The following CBLB variants were observed in gnomAD, a reference collection of about 807,000 sequenced individuals.
The protein encoded by CBLB is E3 ubiquitin-protein ligase CBL-B.
In CBLB, 31 loss-of-function variants were observed where a neutral mutation model predicts 104.9. The observed-to-expected ratio is 0.30, with a 90% CI of 0.22 to 0.40. The LOEUF is 0.40. Ranked by LOEUF, CBLB falls within the 10% of genes least tolerant of loss-of-function variation. CBLB has a pLI of 1.00. For missense variants in CBLB, 1,062 were observed against 1,214.6 expected, an observed-to-expected ratio of 0.87 and a Z score of 1.87; for synonymous variants, 440 against 422.6, an observed-to-expected ratio of 1.04 and a Z score of -0.51.
At chr3:105,833,478 CT>C (rs954351264) in intron 3 of CBLB, among the ~76,000 whole-genome samples, 51 of 151,152 alleles carry the variant, frequency 3.4e-4, no homozygotes, top group African/African-American at 1.2e-3. Context: ...GGAACTTTTA[CT>C]TTTTTTTTAC....
At chr3:105,726,479 T>C (rs775882897) in intron 9 of CBLB, among the ~76,000 whole-genome samples, 1 of 152,078 alleles carries the variant, frequency 6.6e-6, no homozygotes, top group South Asian at 2.1e-4. Flanking sequence ...CATTTTTATT[T>C]TGGAAGGAAG....
At chr3:105,668,203 G>T (rs2064683258) in intron 18 of CBLB, among the ~76,000 whole-genome samples, 1 of 152,178 alleles carries the variant, frequency 6.6e-6, no homozygotes, top group Admixed American at 6.5e-5. Context: ...GCCAGTTCAG[G>T]CTTCTGGCAA....
At chr3:105,761,030 T>C (rs957159575) in intron 4 of CBLB, among the ~76,000 whole-genome samples, 29 of 152,154 alleles carry the variant, frequency 1.9e-4, no homozygotes, top group Non-Finnish European at 1.2e-4. Context: ...GTTGTTTTTG[T>C]TTTTCATTTC....
intron 3 of CBLB, among the ~76,000 whole-genome samples, chr3:105,800,460 C>T (rs996379779): frequency 1.3e-5 from 2 of 152,150 alleles, no homozygotes; most frequent in Non-Finnish European, 2.9e-5. Flanking sequence ...TCAATTCAAT[C>T]ACAGCCTTAG....
intron 9 of CBLB, among the ~76,000 whole-genome samples, chr3:105,723,439 A>T (rs1251773626): frequency 2.0e-5 from 3 of 152,136 alleles, no homozygotes; most frequent in Non-Finnish European, 4.4e-5. Flanking sequence ...AAACCAAAGG[A>T]TACAGAAGTT....
In CBLB at chr3:105,687,869, T is replaced by C. The variant is rs571897202; in HGVS notation, c.2055-2403A>G. 2.6e-5 allele frequency among the ~76,000 whole-genome samples: 4 copies of C among 151,604 alleles called. No homozygotes were observed. In the East Asian group the frequency reaches 5.8e-4, roughly 22 times the overall value. On this transcript the variant is annotated intron_variant, in intron 13 of 18. Coordinates refer to ENST00000394030, the MANE Select transcript of CBLB (RefSeq NM_170662.5). ...AAATAACAGAAGAGGATGGTACAAA[T>C]GAGATAAAGAAGTTGTATATAAAAT...
chr3:105,867,443 G>A lies in CBLB; in HGVS notation c.135C>T (p.Thr45=). 1.2e-6 allele frequency: 2 copies of A among 1,614,094 alleles called. No homozygotes were observed. The highest frequency in any genetic ancestry group is 4.5e-5 in the East Asian group (2 of 44,884). ...CCATGAGCTTCCAAGTCTTCTCCAC[G>A]GTCCTGCGATCTGCGGCAGCTTGCT... is the stretch of plus-strand genomic sequence containing the variant. ...PPKQAAADRR[T]VEKTWKLMDK... The change falls in exon 2 of 19, where the codon ACC becomes ACT. Residue 45 remains threonine, a synonymous_variant. Transcript: ENST00000394030.
At chr3:105,676,229 C>T (rs929148523) in intron 17 of CBLB, among the ~76,000 whole-genome samples, 14 of 151,908 alleles carry the variant, frequency 9.2e-5, no homozygotes, top group Non-Finnish European at 1.8e-4. Context: ...ATAAAAATTG[C>T]ATTTTAGCTA....
intron 10 of CBLB, among the ~76,000 whole-genome samples, chr3:105,706,037 G>C (rs544168741): frequency 6.6e-4 from 101 of 152,078 alleles, no homozygotes; most frequent in Admixed American, 1.5e-3. Context: ...CACGACTCAA[G>C]AGGCTAAGGT....
Position 105,704,123 on chromosome 3 carries a change from A to G in CBLB, c.1458T>C (p.Leu486=). 1 of 1,614,096 alleles carries G rather than the reference A, an allele frequency of 6.2e-7. No homozygotes were observed. Among genetic ancestry groups the G allele is most frequent in the Non-Finnish European group, 8.5e-7 (1 of 1,179,976 alleles). Residue 486 remains leucine, a synonymous_variant, in exon 11 of 19, where the codon CTT becomes CTC. Transcript: ENST00000394030. Reference sequence around the variant, plus strand: ...CAGGCTGTGGCTTTCTTCTCTGGGCAAGGGGAGAGGATCCTGGTGATGTGA... The same window carrying G: ...CAGGCTGTGGCTTTCTTCTCTGGGCGAGGGGAGAGGATCCTGGTGATGTGA... The part of the protein sequence containing the change: ...SPVTSPGSSP[L]AQRRKPQPDP...
chr3:105,794,121 A>C (rs2081991933), intron 3 of CBLB, among the ~76,000 whole-genome samples: 1 of 152,218 alleles, frequency 6.6e-6, no homozygotes. Context: ...CACAAAATAC[A>C]AAGATTTATT....
intron 3 of CBLB, among the ~76,000 whole-genome samples, chr3:105,812,090 G>A (rs2084390892): frequency 6.6e-6 from 1 of 151,966 alleles, no homozygotes; most frequent in Non-Finnish European, 1.5e-5. Flanking sequence ...ACCTGTCAAT[G>A]ACTTAAACCT....
Position 105,723,099 on chromosome 3 carries a change from T to C in CBLB, c.1204-2849A>G, listed in dbSNP as rs3772524. On this transcript the variant is annotated intron_variant, in intron 9 of 18. Coordinates refer to ENST00000394030, the MANE Select transcript of CBLB (RefSeq NM_170662.5). ...ACTTACTCTAATATGACTTCATCCA[T>C]CACACTTTATAAATGGACTACTGTC... 7.4e-4 allele frequency among the ~76,000 whole-genome samples: 113 copies of C among 152,284 alleles called. 1 individual carries two copies. The East Asian group carries it at 0.017, about 23-fold the overall frequency.
chr3:105,687,234 C>G (rs2067119383), intron 13 of CBLB, among the ~76,000 whole-genome samples: 1 of 152,114 alleles, frequency 6.6e-6, no homozygotes, highest in African/African-American at 2.4e-5. Flanking sequence ...AAACATTCAA[C>G]AACTATTCAA....
chr3:105,716,566 G>A (rs995925502), intron 10 of CBLB, among the ~76,000 whole-genome samples: 4 of 151,964 alleles, frequency 2.6e-5, no homozygotes, highest in Non-Finnish European at 4.4e-5. Context: ...TAAAAATTTA[G>A]GTTTTATTGA....
intron 12 of CBLB, among the ~76,000 whole-genome samples, chr3:105,698,647 G>A (rs1447600466): frequency 1.4e-5 from 2 of 147,396 alleles, no homozygotes; most frequent in Admixed American, 6.8e-5. Context: ...TTATATTAGG[G>A]GCCTGATAAA....
At chr3:105,772,427 T>A (rs1160748644) in intron 4 of CBLB, among the ~76,000 whole-genome samples, 2 of 152,078 alleles carry the variant, frequency 1.3e-5, no homozygotes, top group African/African-American at 2.4e-5. Flanking sequence ...TCCTACAAGA[T>A]AACATCAAAG....
chr3:105,854,190 C>G (rs1044131550), intron 2 of CBLB, among the ~76,000 whole-genome samples: 1 of 152,162 alleles, frequency 6.6e-6, no homozygotes, highest in African/African-American at 2.4e-5. Flanking sequence ...TGTGTCAGGT[C>G]AGAACCAGTC....
intron 3 of CBLB, among the ~76,000 whole-genome samples, chr3:105,797,749 A>G (rs1162423876): frequency 6.6e-6 from 1 of 152,240 alleles, no homozygotes; most frequent in Non-Finnish European, 1.5e-5. Flanking sequence ...ACTTGATTTA[A>G]GTTTGTAATT....
Sources: gnomAD v4.1 joint callset for allele counts (sites outside exome capture counted in the v4.1 genomes callset) on GRCh38, gnomAD v4.1.1 for gene constraint, MANE v1.5 for transcripts, NCBI Gene and HGNC (gene_info 2026-07-23, HGNC 2026-07-21) for gene names.